DNER: variants seen among roughly 807,000 people sequenced by gnomAD.
DNER encodes delta/notch like EGF repeat containing.
A neutral mutation model predicts 78.2 loss-of-function variants in DNER; 33 were observed. The ratio of observed to expected loss-of-function variants is 0.42; its 90% CI spans 0.32 to 0.56. DNER has a LOEUF of 0.56. Among genes scored for constraint, DNER ranks in the 20% least tolerant of loss-of-function variants. The pLI, the probability that DNER is intolerant of heterozygous loss-of-function variation, is 0.11. For synonymous variants in DNER, 417 were observed against 384.8 expected, an observed-to-expected ratio of 1.08 and a Z score of -0.98; for missense variants, 918 against 975.3, an observed-to-expected ratio of 0.94 and a Z score of 0.78.
rs149221034 is a variant in DNER at position 229,705,081 on chromosome 2, G to GC, written c.276+9066dup. ...GGATACTAGGAGTAATGGTAATTCA[G>GC]CCATCCTCCACTCAGCCCCCATCAG... On this transcript the variant is annotated intron_variant, in intron 1 of 12. Coordinates refer to ENST00000341772, the MANE Select transcript of DNER (RefSeq NM_139072.4). Among the ~76,000 whole-genome samples the GC allele has an allele frequency of 3.9e-3, 597 of 152,232 alleles. 3 individuals are homozygous for GC. The highest frequency in any genetic ancestry group is 0.014 in the Middle Eastern group (4 of 294).
At chr2:229,471,093 T>C (rs975639505) in intron 7 of DNER, among the ~76,000 whole-genome samples, 1 of 151,702 alleles carries the variant, frequency 6.6e-6, no homozygotes, top group African/African-American at 2.4e-5. Context: ...GAGTTTCATA[T>C]GGTTCTAATA....
chr2:229,457,686 G>A (rs1228838100), intron 7 of DNER, among the ~76,000 whole-genome samples: 3 of 150,588 alleles, frequency 2.0e-5, no homozygotes, highest in Admixed American at 1.3e-4. Context: ...TAGCAATGAG[G>A]TAGACTTAGA....
intron 1 of DNER, among the ~76,000 whole-genome samples, chr2:229,660,846 A>G (rs1007225614): frequency 1.3e-5 from 2 of 152,206 alleles, no homozygotes; most frequent in Non-Finnish European, 2.9e-5. Context: ...AAATTTGTAG[A>G]ACACAACTCC....
At chr2:229,560,386 T>TA (rs1696933573) in intron 4 of DNER, among the ~76,000 whole-genome samples, 1 of 152,016 alleles carries the variant, frequency 6.6e-6, no homozygotes, top group African/African-American at 2.4e-5. Context: ...ACCAATAACC[T>TA]AAAAAAATGG....
rs757414748 is a variant in DNER, at chr2:229,477,257, A to G, written c.1148-4T>C. The G allele has an allele frequency of 1.3e-6, 2 of 1,597,806 alleles. No homozygotes were observed. Among genetic ancestry groups the G allele is most frequent in the South Asian group, 2.2e-5 (2 of 89,420 alleles). On this transcript the variant is annotated splice_polypyrimidine_tract_variant and splice_region_variant and intron_variant, in intron 6 of 12. Transcript: ENST00000341772. ...TGGCAAAGCTCTCCAGTATAACCTGAATAAAACAAAATGTACATTTTATAA... is the reference window on the plus strand; with the variant it reads ...TGGCAAAGCTCTCCAGTATAACCTGGATAAAACAAAATGTACATTTTATAA...
chr2:229,591,625 C>T lies in DNER; in HGVS notation c.540G>A (p.Pro180=), dbSNP rs146704189. The change falls in exon 2 of 13, where the codon CCG becomes CCA. Residue 180 remains proline, a synonymous_variant. Transcript: ENST00000341772. This position sits in a 1 kb window ranked among gnomAD's most constrained non-coding sequence, Gnocchi z 4.6. ...TTTCTACAACTTTCTGCCCTGTTTT[C>T]GGCTGCCAGGTAGGCAGTGTCACCG... ...QATVTLPTWQ[P]KTGQKVVEMK... is the part of the protein sequence containing the mutation. 3.0e-3 allele frequency: 4,866 copies of T among 1,614,134 alleles called. 105 individuals carry two copies. The African/African-American group carries it at 0.055, about 18-fold the overall frequency.
At chr2:229,660,056 C>T (rs1184287532) in intron 1 of DNER, among the ~76,000 whole-genome samples, 1 of 152,052 alleles carries the variant, frequency 6.6e-6, no homozygotes, top group South Asian at 2.1e-4. Flanking sequence ...GTGCTCTGGC[C>T]CATCTTTTAG....
chr2:229,432,661 C>A lies in DNER; in HGVS notation c.1487-14431G>T, dbSNP rs75120599. On this transcript the variant is annotated intron_variant, in intron 8 of 12. Coordinates refer to ENST00000341772, the MANE Select transcript of DNER (RefSeq NM_139072.4). Reference sequence around the variant, plus strand: ...GCAGTCCCCAGACCAGCAGCATCAACACCACCTGGGAACTAGTTAGAAATG... The same window carrying A: ...GCAGTCCCCAGACCAGCAGCATCAAAACCACCTGGGAACTAGTTAGAAATG... 5.5e-4 allele frequency among the ~76,000 whole-genome samples: 83 copies of A among 152,256 alleles called. 2 individuals carry two copies. The East Asian group carries it at 0.016, about 29-fold the overall frequency.
Position 229,714,504 on chromosome 2 carries a change from A to C in DNER, c.-81T>G. The C allele has an allele frequency of 9.4e-7, 1 of 1,069,128 alleles. No homozygotes were observed. Among genetic ancestry groups the C allele is most frequent in the Non-Finnish European group, 1.1e-6 (1 of 886,396 alleles). 66.2% of individuals were successfully genotyped at this position (1,069,128 alleles called of 1,614,324 possible). A position where few individuals can be genotyped will look rare whatever the true frequency, so the allele number is the denominator to read the frequency against. ...TGGCAGTGGCGACGAGAGCTGCGAG[A>C]GCGACGGTGGCGGCTAGGGCTGCTC... On this transcript the variant is annotated 5_prime_UTR_variant, in exon 1 of 13. Transcript: ENST00000341772.
At chr2:229,524,540 G>C (rs540605812) in intron 5 of DNER, among the ~76,000 whole-genome samples, 26 of 152,170 alleles carry the variant, frequency 1.7e-4, no homozygotes, top group Non-Finnish European at 3.5e-4. Flanking sequence ...TCCTGCATGA[G>C]TGAGGCAATG....
chr2:229,547,932 T>C (rs2154213246), intron 4 of DNER, among the ~76,000 whole-genome samples: 1 of 152,360 alleles, frequency 6.6e-6, no homozygotes, highest in South Asian at 2.1e-4. Context: ...AAGGATTAAA[T>C]TATTTTCACT....
At chr2:229,437,018 G>A (rs944895620) in intron 8 of DNER, among the ~76,000 whole-genome samples, 7 of 152,130 alleles carry the variant, frequency 4.6e-5, no homozygotes, top group African/African-American at 1.7e-4. Flanking sequence ...GGATAAAGAA[G>A]CAAAACCCAA....
At chr2:229,503,412 A>G (rs1009566297) in intron 6 of DNER, among the ~76,000 whole-genome samples, 2 of 152,252 alleles carry the variant, frequency 1.3e-5, no homozygotes, top group African/African-American at 4.8e-5. Context: ...AGTTGAGTAA[A>G]AATAAATGAC....
chr2:229,571,989 C>A (rs1460897861), intron 4 of DNER, among the ~76,000 whole-genome samples: 1 of 152,150 alleles, frequency 6.6e-6, no homozygotes, highest in Non-Finnish European at 1.5e-5. Context: ...CCTGCATCAC[C>A]ACTGCCTACA....
At chr2:229,424,035 C>G (rs1335777596) in intron 8 of DNER, among the ~76,000 whole-genome samples, 1 of 152,232 alleles carries the variant, frequency 6.6e-6, no homozygotes, top group African/African-American at 2.4e-5. Context: ...TCGGAAAAGG[C>G]TACACAAATA....
chr2:229,613,681 T>C (rs532271929), intron 1 of DNER, among the ~76,000 whole-genome samples: 1 of 152,114 alleles, frequency 6.6e-6, no homozygotes, highest in East Asian at 1.9e-4. Context: ...TTTTTTTTTC[T>C]TTACTTTAAA....
chr2:229,373,766 A>G (rs920421527), intron 11 of DNER, among the ~76,000 whole-genome samples: 1 of 152,230 alleles, frequency 6.6e-6, no homozygotes, highest in Non-Finnish European at 1.5e-5. Context: ...CCATAAAAAA[A>G]GAGTGAAATC....
intron 5 of DNER, among the ~76,000 whole-genome samples, chr2:229,527,786 T>C (rs1696236163): frequency 6.6e-6 from 1 of 152,252 alleles, no homozygotes; most frequent in Non-Finnish European, 1.5e-5. Flanking sequence ...GTTTATCTAT[T>C]TTTTAGAAGA....
At chr2:229,592,922 T>C (rs1336042819) in intron 1 of DNER, among the ~76,000 whole-genome samples, 1 of 152,172 alleles carries the variant, frequency 6.6e-6, no homozygotes, top group Non-Finnish European at 1.5e-5. Flanking sequence ...CACTTAAACA[T>C]ACATGGAGAG....
Sources: gnomAD v4.1 joint callset for allele counts (sites outside exome capture counted in the v4.1 genomes callset) on GRCh38, gnomAD v4.1.1 for gene constraint, Gnocchi (gnomAD v3.1) non-coding constraint, MANE v1.5 for transcripts, NCBI Gene and HGNC (gene_info 2026-07-23, HGNC 2026-07-21) for gene names.